The following CAMK2D variants were observed in gnomAD, a reference collection of about 807,000 sequenced individuals.
CAMK2D encodes the protein calcium/calmodulin dependent protein kinase II delta.
A neutral mutation model predicts 84.0 loss-of-function variants in CAMK2D; 37 were observed. The observed-to-expected ratio is 0.44, with a 90% CI of 0.34 to 0.58. The LOEUF (loss-of-function observed/expected upper bound fraction) is 0.58, where lower values mean the gene tolerates loss of function less well. Ranked by LOEUF, CAMK2D falls within the 20% of genes least tolerant of loss-of-function variation. The probability of loss-of-function intolerance (pLI) is 0.02; values close to 1 mark genes in which losing one functional copy is unlikely to be tolerated. For missense variants in CAMK2D, 448 were observed against 652.5 expected (o/e 0.69, Z 3.41); for synonymous variants, 202 against 212.5 (o/e 0.95, Z 0.43).
intron 2 of CAMK2D, chr4:113,679,533 C>T (rs528865428): frequency 4.2e-6 from 3 of 722,644 alleles, no homozygotes; most frequent in South Asian, 1.3e-4. Context: ...GTAAAAGAAA[C>T]CCACAGAAAT....
intron 2 of CAMK2D, among the ~76,000 whole-genome samples, chr4:113,727,917 C>G (rs1265876846): frequency 6.6e-6 from 1 of 152,010 alleles, no homozygotes; most frequent in Non-Finnish European, 1.5e-5. Flanking sequence ...AAAAGGGACC[C>G]AATATCATTT....
intron 4 of CAMK2D, among the ~76,000 whole-genome samples, chr4:113,554,267 G>A (rs1337754531): frequency 1.3e-5 from 2 of 151,980 alleles, no homozygotes; most frequent in African/African-American, 2.4e-5. Context: ...AGAGAATCAT[G>A]CTATCCATTT....
chr4:113,618,099 G>C (rs943393428), intron 3 of CAMK2D, among the ~76,000 whole-genome samples: 1 of 151,980 alleles, frequency 6.6e-6, no homozygotes, highest in Admixed American at 6.6e-5. Flanking sequence ...CTACATTCCT[G>C]GATGAATATG....
intron 4 of CAMK2D, among the ~76,000 whole-genome samples, chr4:113,591,185 C>CA (rs200972091): frequency 1.8e-3 from 244 of 135,934 alleles, no homozygotes; most frequent in African/African-American, 3.8e-3. Flanking sequence ...AGTCAAAATT[C>CA]AAAAAAAAAA....
At chr4:113,661,085 G>T (rs1056996137) in intron 3 of CAMK2D, among the ~76,000 whole-genome samples, 2 of 152,072 alleles carry the variant, frequency 1.3e-5, no homozygotes, top group African/African-American at 4.8e-5. Flanking sequence ...ATGAGCCACC[G>T]CGCCCGGCCT....
chr4:113,668,772 C>T (rs2099267753), intron 2 of CAMK2D, among the ~76,000 whole-genome samples: 1 of 152,094 alleles, frequency 6.6e-6, no homozygotes, highest in Non-Finnish European at 1.5e-5. Flanking sequence ...ATATGCTAAA[C>T]ATCTCAAAAA....
chr4:113,539,698 T>C (rs1244255209), intron 6 of CAMK2D, among the ~76,000 whole-genome samples: 2 of 152,208 alleles, frequency 1.3e-5, no homozygotes, highest in South Asian at 2.1e-4. Flanking sequence ...AGTTGCACCT[T>C]ATACTCATGA....
At chr4:113,520,960 T>G (rs555615843) in intron 8 of CAMK2D, among the ~76,000 whole-genome samples, 1 of 149,564 alleles carries the variant, frequency 6.7e-6, no homozygotes, top group South Asian at 2.1e-4. Context: ...GCCCAGGAGT[T>G]CGAGGCCACA....
chr4:113,656,351 C>T (rs1053430899), intron 3 of CAMK2D, among the ~76,000 whole-genome samples: 21 of 152,020 alleles, frequency 1.4e-4, no homozygotes, highest in Admixed American at 1.2e-3. Context: ...TGGACCACAC[C>T]AAAGAGAGAA....
chr4:113,749,368 C>T (rs2099611922), intron 2 of CAMK2D, among the ~76,000 whole-genome samples: 2 of 142,914 alleles, frequency 1.4e-5, no homozygotes, highest in South Asian at 4.4e-4. Flanking sequence ...CCTTCCAATA[C>T]AGAAACAAGT....
At chr4:113,664,674 T>C (rs956830032) in intron 2 of CAMK2D, among the ~76,000 whole-genome samples, 3 of 152,122 alleles carry the variant, frequency 2.0e-5, no homozygotes, top group Admixed American at 2.0e-4. Context: ...ACAGAAGTGA[T>C]ATCCCATCAT....
At chr4:113,631,749 C>A (rs2099090542) in intron 3 of CAMK2D, among the ~76,000 whole-genome samples, 1 of 152,104 alleles carries the variant, frequency 6.6e-6, no homozygotes, top group South Asian at 2.1e-4. Flanking sequence ...AAATGTGGCA[C>A]CATAAACCTG....
intron 2 of CAMK2D, among the ~76,000 whole-genome samples, chr4:113,694,032 T>G (rs1331482966): frequency 6.6e-6 from 1 of 152,202 alleles, no homozygotes; most frequent in Non-Finnish European, 1.5e-5. Flanking sequence ...AATCTTCTCA[T>G]GTTTGTTAGT....
intron 4 of CAMK2D, among the ~76,000 whole-genome samples, chr4:113,597,993 C>T (rs1203309406): frequency 6.6e-6 from 1 of 152,108 alleles, no homozygotes; most frequent in Non-Finnish European, 1.5e-5. Context: ...AAATCCCAAT[C>T]AAAATCTCAG....
chr4:113,651,012 T>C (rs1424956826), intron 3 of CAMK2D, among the ~76,000 whole-genome samples: 1 of 152,180 alleles, frequency 6.6e-6, no homozygotes, highest in Non-Finnish European at 1.5e-5. Context: ...AGCCCATCAC[T>C]AAAAACTGAA....
chr4:113,730,701 A>G (rs2099565434), intron 2 of CAMK2D, among the ~76,000 whole-genome samples: 1 of 152,238 alleles, frequency 6.6e-6, no homozygotes, highest in African/African-American at 2.4e-5. Flanking sequence ...TCACCTGGCT[A>G]TAGAAAAGAA....
chr4:113,623,738 CTGTGTGTG>C (rs3064581), intron 3 of CAMK2D, among the ~76,000 whole-genome samples: 2 of 148,956 alleles, frequency 1.3e-5, no homozygotes, highest in African/African-American at 4.9e-5. Context: ...TATGCAGTGA[CTGTGTGTG>C]TGTGTGTGTG....
Position 113,755,986 on chromosome 4 carries a change from T to C in CAMK2D, c.160+3334A>G, listed in dbSNP as rs190015918. 6.6e-5 allele frequency among the ~76,000 whole-genome samples: 10 copies of C among 152,116 alleles called. No individual in the cohort carries two copies. The East Asian group carries it at 1.9e-3, about 29-fold the overall frequency. On this transcript the variant is annotated intron_variant, in intron 2 of 20. Coordinates refer to ENST00000511664, the MANE Select transcript of CAMK2D (RefSeq NM_001321571.2). ...ATGCTTGAGATGCTTCCATACTACT[T>C]ATTTTCAAAATAAGCCAAATTATAT...
chr4:113,586,716 A>G (rs983291153), intron 4 of CAMK2D, among the ~76,000 whole-genome samples: 1 of 152,144 alleles, frequency 6.6e-6, no homozygotes, highest in African/African-American at 2.4e-5. Context: ...CTCTTTATTT[A>G]AGAAACAAAC....
Sources: gnomAD v4.1 joint callset for allele counts (sites outside exome capture counted in the v4.1 genomes callset) on GRCh38, gnomAD v4.1.1 for gene constraint, MANE v1.5 for transcripts, NCBI Gene and HGNC (gene_info 2026-07-23, HGNC 2026-07-21) for gene names.